The following DRAM1 variants were observed in gnomAD, a reference collection of about 807,000 sequenced individuals.
The protein encoded by DRAM1 is DNA damage regulated autophagy modulator 1, also known as DNA damage-regulated autophagy modulator protein 1.
Under a neutral mutation model 28.5 loss-of-function variants are expected in DRAM1, and 25 were observed. That is an observed-to-expected ratio of 0.88 (90% CI 0.64 to 1.23). The LOEUF (loss-of-function observed/expected upper bound fraction) is 1.23. Among genes scored for constraint, DRAM1 ranks in the 50% most tolerant of loss-of-function variants. DRAM1 has a pLI of 0.00. For missense variants in DRAM1, 249 were observed against 299.2 expected, an observed-to-expected ratio of 0.83 and a Z score of 1.24; for synonymous variants, 113 against 114.2, an observed-to-expected ratio of 0.99 and a Z score of 0.07.
At chr12:101,915,155 A>AT (rs1874189956) in intron 5 of DRAM1, among the ~76,000 whole-genome samples, 1 of 150,172 alleles carries the variant, frequency 6.7e-6, no homozygotes, top group Admixed American at 6.6e-5. Flanking sequence ...ACTTTTTTGT[A>AT]TTTTTAGTAG....
At chr12:101,907,048 A>C (rs1873842701) in intron 3 of DRAM1, among the ~76,000 whole-genome samples, 1 of 151,162 alleles carries the variant, frequency 6.6e-6, no homozygotes, top group African/African-American at 2.4e-5. Context: ...TTTCAAAAAA[A>C]ATTAGCCAGA....
At position 101,908,292 on chromosome 12, in the gene DRAM1, A is replaced by C. The variant is rs1182709684; in HGVS notation, c.449A>C (p.Gln150Pro). The part of the protein sequence containing the change: ...QSIISYKSCP[Q>P]WNSLSTCHIR... ...ATCATCTCTTACAAATCATGTCCCC[A>C]GTGGAACAGTCTCTCGACATGCCAC... The change falls in exon 4 of 7, where the codon CAG becomes CCG. Residue 150 changes from glutamine (Q) to proline (P), a missense_variant. By Grantham distance (76) the Gln-to-Pro change is moderately conservative. Transcript: ENST00000258534. The C allele has an allele frequency of 6.2e-7, 1 of 1,614,122 alleles. No individual in the cohort carries two copies. The highest frequency in any genetic ancestry group is 1.1e-5 in the South Asian group (1 of 91,074).
chr12:101,879,532 T>G (rs561999839), intron 1 of DRAM1, among the ~76,000 whole-genome samples: 1 of 152,276 alleles, frequency 6.6e-6, no homozygotes, highest in East Asian at 1.9e-4. Context: ...CCCCTTGCTT[T>G]GGCCTCCCAG....
At chr12:101,899,941 T>C (rs1313592027) in intron 2 of DRAM1, among the ~76,000 whole-genome samples, 4 of 152,236 alleles carry the variant, frequency 2.6e-5, no homozygotes, top group Non-Finnish European at 4.4e-5. Flanking sequence ...TCTTTGCATA[T>C]TTGTGTGAGT....
At chr12:101,920,677 C>T (rs957998447) in intron 6 of DRAM1, among the ~76,000 whole-genome samples, 16 of 152,054 alleles carry the variant, frequency 1.1e-4, no homozygotes, top group African/African-American at 3.4e-4. Context: ...TTTGGGAGGC[C>T]GAGGCGGGCA....
intron 1 of DRAM1, among the ~76,000 whole-genome samples, chr12:101,883,307 C>T (rs1388984973): frequency 2.9e-5 from 2 of 68,522 alleles, no homozygotes; most frequent in African/African-American, 2.7e-4. Flanking sequence ...ATTTTTTACC[C>T]AAATAGGTTT....
At chr12:101,888,362 C>G (rs1180910371) in intron 1 of DRAM1, among the ~76,000 whole-genome samples, 3 of 151,982 alleles carry the variant, frequency 2.0e-5, no homozygotes, top group African/African-American at 7.3e-5. Flanking sequence ...AACTCTTGAC[C>G]TCAGGCGATC....
chr12:101,879,665 T>C (rs1872621241), intron 1 of DRAM1, among the ~76,000 whole-genome samples: 2 of 152,134 alleles, frequency 1.3e-5, no homozygotes, highest in Non-Finnish European at 2.9e-5. Flanking sequence ...ATCTTGCTTC[T>C]GAAGCAGGAT....
At chr12:101,899,647 C>T (rs1346890677) in intron 2 of DRAM1, among the ~76,000 whole-genome samples, 1 of 149,682 alleles carries the variant, frequency 6.7e-6, no homozygotes, top group Non-Finnish European at 1.5e-5. Context: ...CCGCTGCACT[C>T]CCACCCAGGT....
chr12:101,915,231 G>A (rs146870981), intron 5 of DRAM1, among the ~76,000 whole-genome samples: 9,238 of 152,032 alleles, frequency 0.061, 370 homozygotes, highest in Middle Eastern at 0.13. Context: ...TGCCCACCTC[G>A]GCCTCCCAAA....
At chr12:101,900,240 T>A (rs1873547419) in intron 2 of DRAM1, among the ~76,000 whole-genome samples, 1 of 152,210 alleles carries the variant, frequency 6.6e-6, no homozygotes, top group South Asian at 2.1e-4. Context: ...CCAATTGCAA[T>A]TTAATAGACA....
At chr12:101,903,441 A>C (rs1355908616) in intron 3 of DRAM1, among the ~76,000 whole-genome samples, 1 of 152,186 alleles carries the variant, frequency 6.6e-6, no homozygotes, top group African/African-American at 2.4e-5. Context: ...CAGAGGGACA[A>C]ATACCGAATG....
At chr12:101,920,223 T>A in intron 6 of DRAM1, 22 bp downstream of exon 6, 1 of 1,536,306 alleles carries the variant, frequency 6.5e-7, no homozygotes, top group Non-Finnish European at 8.9e-7. Context: ...TCAATTCAAA[T>A]GTTTTAAATT....
chr12:101,909,625 AAT>A (rs1873962898), intron 4 of DRAM1, among the ~76,000 whole-genome samples: 3 of 152,192 alleles, frequency 2.0e-5, no homozygotes, highest in Admixed American at 2.0e-4. Flanking sequence ...AGTAAATTAA[AAT>A]ATGTTTAGCC....
Position 101,922,304 on chromosome 12 carries a change from A to G in DRAM1, c.*1044A>G, listed in dbSNP as rs1355106763. On this transcript the variant is annotated 3_prime_UTR_variant, in exon 7 of 7. Coordinates refer to ENST00000258534, the MANE Select transcript of DRAM1 (RefSeq NM_018370.3). ...CTACAGACTCCATCTTTTCACCCAA[A>G]TCATGAATGACCAATAAAAAGCAAG... is the stretch of plus-strand genomic sequence containing the variant. 1.3e-5 allele frequency: 2 copies of G among 152,258 alleles called. No homozygotes were observed. The highest frequency in any genetic ancestry group is 2.9e-5 in the Non-Finnish European group (2 of 68,060). 9.4% of individuals were successfully genotyped at this position (152,258 alleles called of 1,614,324 possible).
At chr12:101,895,148 G>A (rs1873297531) in intron 1 of DRAM1, among the ~76,000 whole-genome samples, 1 of 130,474 alleles carries the variant, frequency 7.7e-6, no homozygotes, top group Admixed American at 8.0e-5. Flanking sequence ...AATGGTTATT[G>A]TAGGAAAAGT....
At chr12:101,906,854 C>CAAAAAAAAAAAAAAAA (rs751751554) in intron 3 of DRAM1, among the ~76,000 whole-genome samples, 1 of 67,484 alleles carries the variant, frequency 1.5e-5, no homozygotes. Context: ...GACTCTGCCT[C>CAAAAAAAAAAAAAAAA]AAAAAAAAAA....
intron 1 of DRAM1, among the ~76,000 whole-genome samples, chr12:101,884,233 C>T (rs918576861): frequency 6.6e-6 from 1 of 151,154 alleles, no homozygotes; most frequent in African/African-American, 2.4e-5. Flanking sequence ...ACAATACATA[C>T]AAAAAATTAG....
At chr12:101,919,245 C>CACACACAGACACATCCACAG (rs1398834095) in intron 5 of DRAM1, among the ~76,000 whole-genome samples, 25 of 151,806 alleles carry the variant, frequency 1.6e-4, no homozygotes, top group Admixed American at 1.6e-3. Flanking sequence ...CAGGAGATAT[C>CACACACAGACACATCCACAG]ACACACAGAC....
Sources: allele counts gnomAD v4.1 joint callset (sites outside exome capture counted in the v4.1 genomes callset), GRCh38; gene constraint gnomAD v4.1.1; transcripts MANE v1.5; gene names NCBI Gene and HGNC (gene_info 2026-07-23, HGNC 2026-07-21).